The following AUTS2 variants were observed in gnomAD, a reference collection of about 807,000 sequenced individuals.
The protein encoded by AUTS2 is autism susceptibility gene 2 protein.
A neutral mutation model predicts 112.4 loss-of-function variants in AUTS2; 17 were observed. The ratio of observed to expected loss-of-function variants is 0.15; its 90% CI spans 0.10 to 0.23. The LOEUF (loss-of-function observed/expected upper bound fraction) is 0.23, where lower values mean the gene tolerates loss of function less well. Ranked by LOEUF, AUTS2 falls within the 10% of genes least tolerant of loss-of-function variation. The pLI is 1.00. For missense variants in AUTS2, 1,510 were observed against 1,701.6 expected, an observed-to-expected ratio of 0.89 and a Z score of 1.98; for synonymous variants, 751 against 702.7, an observed-to-expected ratio of 1.07 and a Z score of -1.09.
intron 2 of AUTS2, among the ~76,000 whole-genome samples, chr7:69,969,048 G>A (rs1285878820): frequency 2.0e-5 from 3 of 152,032 alleles, no homozygotes; most frequent in Admixed American, 1.3e-4. Flanking sequence ...ATTGTGGTTT[G>A]GGATTTTTTT....
intron 4 of AUTS2, among the ~76,000 whole-genome samples, chr7:70,386,416 T>C (rs1438880609): frequency 6.6e-6 from 1 of 152,264 alleles, no homozygotes; most frequent in Non-Finnish European, 1.5e-5. Flanking sequence ...ATACAATTTA[T>C]TGATTTTTGG....
chr7:70,117,742 G>T (rs1249348197), intron 2 of AUTS2, among the ~76,000 whole-genome samples: 1 of 149,842 alleles, frequency 6.7e-6, no homozygotes, highest in Non-Finnish European at 1.5e-5. Context: ...ACCTTAAATT[G>T]TTCACTCTTT....
intron 6 of AUTS2, among the ~76,000 whole-genome samples, chr7:70,724,849 T>A (rs764888715): frequency 6.6e-6 from 1 of 152,250 alleles, no homozygotes; most frequent in Admixed American, 6.5e-5. Flanking sequence ...ATTCCATACA[T>A]TAAACAATTT....
intron 2 of AUTS2, among the ~76,000 whole-genome samples, chr7:70,060,994 G>A (rs1384272752): frequency 2.0e-5 from 3 of 152,150 alleles, no homozygotes; most frequent in Non-Finnish European, 2.9e-5. Flanking sequence ...TGTGACCCTA[G>A]GCCTGTCTCT....
intron 5 of AUTS2, among the ~76,000 whole-genome samples, chr7:70,658,569 T>C (rs1806902299): frequency 6.6e-6 from 1 of 152,220 alleles, no homozygotes; most frequent in African/African-American, 2.4e-5. Context: ...CTTCTTTTTA[T>C]CTTCCCTAAA....
intron 1 of AUTS2, among the ~76,000 whole-genome samples, chr7:69,614,897 A>G (rs1793281767): frequency 6.6e-6 from 1 of 152,190 alleles, no homozygotes; most frequent in African/African-American, 2.4e-5. Context: ...GCCCCTTTGT[A>G]TGTCCCGAAT....
chr7:69,736,144 T>G (rs1018589638), intron 1 of AUTS2, among the ~76,000 whole-genome samples: 24 of 152,166 alleles, frequency 1.6e-4, no homozygotes, highest in Admixed American at 5.9e-4. Context: ...AACCTTTTTT[T>G]CTCTTTTTTC....
At chr7:70,182,913 T>A (rs1809394064) in intron 4 of AUTS2, among the ~76,000 whole-genome samples, 1 of 152,180 alleles carries the variant, frequency 6.6e-6, no homozygotes, top group Non-Finnish European at 1.5e-5. Flanking sequence ...TGATGGCCTG[T>A]CACCTATCAT....
intron 6 of AUTS2, among the ~76,000 whole-genome samples, chr7:70,760,196 A>G (rs372395210): frequency 0.023 from 3,549 of 152,236 alleles, 136 homozygotes; most frequent in African/African-American, 0.075. Context: ...TAGTAGAGGC[A>G]GGGTTTCACC....
intron 5 of AUTS2, among the ~76,000 whole-genome samples, chr7:70,688,549 C>T (rs542486292): frequency 2.6e-5 from 4 of 152,212 alleles, no homozygotes; most frequent in South Asian, 4.1e-4. Flanking sequence ...AAATCATGGC[C>T]GGGTGCAGTG....
At chr7:70,019,478 T>G (rs1171895255) in intron 2 of AUTS2, among the ~76,000 whole-genome samples, 1 of 152,238 alleles carries the variant, frequency 6.6e-6, no homozygotes, top group African/African-American at 2.4e-5. Flanking sequence ...TCTGTGGTTG[T>G]CCTTCTCTTT....
intron 1 of AUTS2, among the ~76,000 whole-genome samples, chr7:69,787,620 G>C (rs552234712): frequency 3.9e-5 from 6 of 152,154 alleles, no homozygotes; most frequent in Non-Finnish European, 8.8e-5. Flanking sequence ...CATGATCTCT[G>C]CTCACTGCAA....
Position 70,272,367 on chromosome 7 carries a change from G to A in AUTS2, c.660+137796G>A, listed in dbSNP as rs951220434. 1.1e-4 allele frequency among the ~76,000 whole-genome samples: 17 copies of A among 152,136 alleles called. No homozygotes were observed. The South Asian group carries it at 2.1e-3, about 19-fold the overall frequency. ...CTGTAATTTTTAAACCTATTCATGC[G>A]TTAATCAAAATAATGTGGATGAAAG... On this transcript the variant is annotated intron_variant, in intron 4 of 18. Coordinates refer to ENST00000342771, the MANE Select transcript of AUTS2 (RefSeq NM_015570.4).
chr7:69,707,318 C>G (rs1798105927), intron 1 of AUTS2, among the ~76,000 whole-genome samples: 1 of 152,046 alleles, frequency 6.6e-6, no homozygotes, highest in Admixed American at 6.6e-5. Flanking sequence ...AGTCTGTTTT[C>G]TTTGGCTAGT....
intron 1 of AUTS2, among the ~76,000 whole-genome samples, chr7:69,816,743 G>A (rs144243305): frequency 6.6e-6 from 1 of 152,358 alleles, no homozygotes; most frequent in East Asian, 1.9e-4. Context: ...GAGGGCCAGA[G>A]AGGTTATGAG....
intron 2 of AUTS2, among the ~76,000 whole-genome samples, chr7:69,957,220 TGA>T (rs1554412088): frequency 6.6e-6 from 1 of 151,972 alleles, no homozygotes; most frequent in Non-Finnish European, 1.5e-5. Flanking sequence ...AACTGTGGAA[TGA>T]GAGAACATAA....
At chr7:70,318,851 A>G (rs1790121590) in intron 4 of AUTS2, among the ~76,000 whole-genome samples, 1 of 152,210 alleles carries the variant, frequency 6.6e-6, no homozygotes, top group East Asian at 1.9e-4. Context: ...GAACTGCTGC[A>G]TTAGGTACCT....
chr7:70,413,350 C>T (rs1226517287), intron 4 of AUTS2, among the ~76,000 whole-genome samples: 1 of 152,126 alleles, frequency 6.6e-6, no homozygotes, highest in Admixed American at 6.5e-5. Context: ...TAAATGATTG[C>T]TGAAGGGGTC....
At chr7:70,764,615 A>G (rs1269586943) in intron 7 of AUTS2, 137 bp from the exon 8 acceptor site, 1 of 626,430 alleles carries the variant, frequency 1.6e-6, no homozygotes, top group African/African-American at 1.8e-5. Flanking sequence ...GTGCTCGTAC[A>G]GGGAGGATCT....
Sources: allele counts gnomAD v4.1 joint callset (sites outside exome capture counted in the v4.1 genomes callset), GRCh38; gene constraint gnomAD v4.1.1; transcripts MANE v1.5; gene names NCBI Gene and HGNC (gene_info 2026-07-23, HGNC 2026-07-21).